RSPH14: variants seen among roughly 807,000 people sequenced by gnomAD.
RSPH14 encodes the protein radial spoke head 14 homolog.
A neutral mutation model predicts 26.7 loss-of-function variants in RSPH14; 20 were observed. That is an observed-to-expected ratio of 0.75 (90% CI 0.53 to 1.09). The LOEUF is 1.09. Among genes scored for constraint, RSPH14 ranks in the 50% least tolerant of loss-of-function variants. The pLI is 0.00. For synonymous variants in RSPH14, 177 were observed against 189.3 expected (o/e 0.93, Z 0.53); for missense variants, 449 against 457.2 (o/e 0.98, Z 0.16).
chr22:23,070,495 G>T (rs1237416584), intron 4 of RSPH14: 1 of 150,490 alleles, frequency 6.6e-6, no homozygotes, highest in Non-Finnish European at 1.5e-5. Flanking sequence ...GGGCGCCGCG[G>T]CCCCGTGCTC....
At chr22:23,116,652 G>A (rs1227906408) in intron 4 of RSPH14, among the ~76,000 whole-genome samples, 2 of 152,224 alleles carry the variant, frequency 1.3e-5, no homozygotes, top group East Asian at 3.8e-4. Flanking sequence ...AAGGCAGGGT[G>A]TAATGGACTG....
At chr22:23,105,385 C>T (rs2069436249) in intron 4 of RSPH14, among the ~76,000 whole-genome samples, 1 of 152,242 alleles carries the variant, frequency 6.6e-6, no homozygotes, top group Admixed American at 6.5e-5. Flanking sequence ...TGGCCATAGG[C>T]AGAGGTTCCC....
At chr22:23,153,175 A>G in the RSPH14 span, 272 of 1,461,886 alleles carry the variant, frequency 1.9e-4, no homozygotes, top group Admixed American at 5.0e-5. Context: ...GCAGCTTCCT[A>G]CAGGCACCTG....
the RSPH14 span, among the ~76,000 whole-genome samples, chr22:23,158,338 T>G: frequency 6.6e-6 from 1 of 152,228 alleles, no homozygotes; most frequent in African/African-American, 2.4e-5. Context: ...ATGTTGCAAG[T>G]CCGGATACTT....
At chr22:23,095,313 C>G (rs995069357) in intron 4 of RSPH14, 1 of 244,808 alleles carries the variant, frequency 4.1e-6, no homozygotes, top group Non-Finnish European at 8.0e-6. Flanking sequence ...AGCGACCGGC[C>G]CTCCAACCCT....
chr22:23,125,558 C>T (rs1392416722), intron 4 of RSPH14, among the ~76,000 whole-genome samples: 1 of 152,136 alleles, frequency 6.6e-6, no homozygotes, highest in East Asian at 1.9e-4. Flanking sequence ...GGAAAAGTGC[C>T]GATCAGAAGT....
intron 4 of RSPH14, chr22:23,095,502 G>A (rs1569172371): frequency 6.4e-6 from 4 of 629,726 alleles, no homozygotes; most frequent in Admixed American, 3.0e-5. Context: ...ACCGCCCGCT[G>A]CACAGAGCGC....
chr22:23,159,597 T>C, the RSPH14 span, among the ~76,000 whole-genome samples: 1 of 152,242 alleles, frequency 6.6e-6, no homozygotes, highest in African/African-American at 2.4e-5. Context: ...CGTTCCATTT[T>C]AGTCCTGTGA....
At chr22:23,146,041 AG>A (rs2070752009), upstream of RSPH14, 1 of 982,886 alleles carries the variant, frequency 1.0e-6, no homozygotes, top group Admixed American at 6.1e-5. Context: ...GTAAGCTCAG[AG>A]GGGAGCTCCT....
At chr22:23,132,609 A>C (rs920640252) in intron 4 of RSPH14, 3 of 148,442 alleles carry the variant, frequency 2.0e-5, no homozygotes, top group African/African-American at 7.4e-5. Flanking sequence ...ACACCCACCA[A>C]AATAGCTAAA....
upstream of RSPH14, among the ~76,000 whole-genome samples, chr22:23,148,197 C>T (rs781402762): frequency 6.6e-6 from 1 of 152,140 alleles, no homozygotes; most frequent in Non-Finnish European, 1.5e-5. Context: ...CTTCTTCACA[C>T]ACCTACAGAG....
Position 23,100,265 on chromosome 22 carries a change from C to T in RSPH14, c.421+33761G>A, listed in dbSNP as rs146923678. ...GCCTCTGCTACCAGGGATACCTGCC[C>T]TGTCTTTCTAGAGCTGGCAGGCAGC... On this transcript the variant is annotated intron_variant, in intron 4 of 6. Coordinates refer to ENST00000216036, the MANE Select transcript of RSPH14 (RefSeq NM_014433.3). 8.5e-5 allele frequency among the ~76,000 whole-genome samples: 13 copies of T among 152,374 alleles called. No individual in the cohort carries two copies. In the East Asian group the frequency reaches 2.1e-3, roughly 25 times the overall value.
intron 4 of RSPH14, among the ~76,000 whole-genome samples, chr22:23,110,019 C>T (rs550543902): frequency 1.1e-4 from 16 of 152,164 alleles, no homozygotes; most frequent in African/African-American, 2.2e-4. Flanking sequence ...TTGAGGTTTG[C>T]GGGAGGAAGA....
chr22:23,090,047 C>G (rs6003502), intron 4 of RSPH14, among the ~76,000 whole-genome samples: 19 of 151,918 alleles, frequency 1.3e-4, no homozygotes, highest in African/African-American at 4.4e-4. Flanking sequence ...ACACCCTTCA[C>G]GCTGCAAACA....
the RSPH14 span, chr22:23,161,531 G>A: frequency 6.2e-7 from 1 of 1,612,764 alleles, no homozygotes; most frequent in African/African-American, 1.3e-5. Context: ...AGACCCAGGA[G>A]AGCAAGAGGC....
intron 4 of RSPH14, among the ~76,000 whole-genome samples, chr22:23,107,525 C>T (rs950021337): frequency 2.6e-5 from 4 of 152,150 alleles, no homozygotes; most frequent in Non-Finnish European, 5.9e-5. Context: ...CTGTGCCACT[C>T]GAGAGTCTCC....
At chr22:23,086,234 C>T (rs1181377131) in intron 4 of RSPH14, among the ~76,000 whole-genome samples, 3 of 152,204 alleles carry the variant, frequency 2.0e-5, no homozygotes, top group African/African-American at 4.8e-5. Context: ...GCTGCAGTCC[C>T]GTGGGGCCCA....
At chr22:23,152,020 G>A in the RSPH14 span, among the ~76,000 whole-genome samples, 1 of 152,236 alleles carries the variant, frequency 6.6e-6, no homozygotes, top group African/African-American at 2.4e-5. Context: ...GGGTGCATAG[G>A]AGGGTGAGGG....
At chr22:23,118,496 C>CG (rs2069916860) in intron 4 of RSPH14, among the ~76,000 whole-genome samples, 1 of 133,096 alleles carries the variant, frequency 7.5e-6, no homozygotes, top group Admixed American at 7.4e-5. Context: ...CCCGCGGCTG[C>CG]CTTGGCAGCC....
Sources: allele counts gnomAD v4.1 joint callset (sites outside exome capture counted in the v4.1 genomes callset), GRCh38; gene constraint gnomAD v4.1.1; transcripts MANE v1.5; gene names NCBI Gene and HGNC (gene_info 2026-07-23, HGNC 2026-07-21).